The following TAFA2 variants were observed in gnomAD, a reference collection of about 807,000 sequenced individuals.
TAFA2 encodes chemokine-like protein TAFA-2.
TAFA2 carries 7 observed loss-of-function variants against 18.8 expected under a neutral mutation model. The observed-to-expected ratio is 0.37, with a 90% CI of 0.21 to 0.70. The LOEUF (loss-of-function observed/expected upper bound fraction) is 0.70. TAFA2 is among the 30% of genes least tolerant of loss of function. TAFA2 has a pLI of 0.53. For synonymous variants in TAFA2, 60 were observed against 54.2 expected, an observed-to-expected ratio of 1.11 and a Z score of -0.47; for missense variants, 122 against 158.1, an observed-to-expected ratio of 0.77 and a Z score of 1.23.
At chr12:61,791,280 T>C (rs556236916) in intron 2 of TAFA2, among the ~76,000 whole-genome samples, 1 of 151,910 alleles carries the variant, frequency 6.6e-6, no homozygotes, top group Non-Finnish European at 1.5e-5. Flanking sequence ...AAAATACTTC[T>C]TGACATTGGA....
chr12:61,746,589 C>T (rs181009331), intron 4 of TAFA2, among the ~76,000 whole-genome samples: 84 of 152,162 alleles, frequency 5.5e-4, no homozygotes, highest in Non-Finnish European at 5.9e-5. Flanking sequence ...AGAGCAGAGA[C>T]CCACCTGAGC....
intron 1 of TAFA2, among the ~76,000 whole-genome samples, chr12:62,005,856 G>A (rs1006010365): frequency 3.9e-5 from 6 of 152,128 alleles, no homozygotes; most frequent in East Asian, 1.9e-4. Context: ...CTTCTGATTC[G>A]TATATCTGCC....
chr12:62,213,929 A>G (rs2062723767), intron 1 of TAFA2, among the ~76,000 whole-genome samples: 1 of 152,198 alleles, frequency 6.6e-6, no homozygotes, highest in African/African-American at 2.4e-5. Context: ...AGACCTGTGT[A>G]CAAACAAACA....
chr12:62,066,681 G>A (rs553539171), intron 1 of TAFA2, among the ~76,000 whole-genome samples: 1 of 152,106 alleles, frequency 6.6e-6, no homozygotes, highest in East Asian at 1.9e-4. Context: ...ACTTCATTGT[G>A]TATGTGTACC....
chr12:61,968,770 G>T (rs965171780), intron 1 of TAFA2, among the ~76,000 whole-genome samples: 4 of 151,628 alleles, frequency 2.6e-5, no homozygotes, highest in Non-Finnish European at 4.4e-5. Context: ...TTAGGAAACT[G>T]ATAGAGAAGA....
chr12:62,223,463 G>A (rs1047044383), intron 1 of TAFA2, among the ~76,000 whole-genome samples: 14 of 152,050 alleles, frequency 9.2e-5, no homozygotes, highest in African/African-American at 3.4e-4. Context: ...TGACAACAGT[G>A]CCAAGACCAT....
At chr12:62,097,937 G>T (rs1357780458) in intron 1 of TAFA2, among the ~76,000 whole-genome samples, 1 of 152,126 alleles carries the variant, frequency 6.6e-6, no homozygotes, top group Non-Finnish European at 1.5e-5. Context: ...AGCTTGTGAA[G>T]CTGAACCCCG....
chr12:61,823,100 C>G (rs1488886290), intron 2 of TAFA2, among the ~76,000 whole-genome samples: 1 of 151,958 alleles, frequency 6.6e-6, no homozygotes, highest in East Asian at 1.9e-4. Flanking sequence ...CATTTAGAAA[C>G]TTTTTAAAAG....
Position 62,017,040 on chromosome 12 carries a change from C to G in TAFA2, c.-1-149614G>C, listed in dbSNP as rs180947192. ...ACATAGCTAAATTACTGAGGGCTTA[C>G]CATGCACCAGGAAGTTTGGTCCATA... is the stretch of plus-strand genomic sequence containing the variant. On this transcript the variant is annotated intron_variant, in intron 1 of 4. Coordinates refer to ENST00000416284, the MANE Select transcript of TAFA2 (RefSeq NM_178539.5). Among the ~76,000 whole-genome samples, 19 of 152,278 alleles carry G rather than the reference C, an allele frequency of 1.2e-4. No homozygotes were observed. The East Asian group carries it at 3.5e-3, about 28-fold the overall frequency.
At chr12:62,169,850 CAAAA>C (rs11373929) in intron 1 of TAFA2, among the ~76,000 whole-genome samples, 1 of 90,124 alleles carries the variant, frequency 1.1e-5, no homozygotes. Context: ...GACTCCGTCT[CAAAA>C]AAAAAAAAAA....
intron 1 of TAFA2, among the ~76,000 whole-genome samples, chr12:61,965,037 G>A (rs960764088): frequency 1.3e-5 from 2 of 151,796 alleles, no homozygotes; most frequent in African/African-American, 4.8e-5. Context: ...TAGAATAGAC[G>A]TTCAAAGGTC....
intron 1 of TAFA2, among the ~76,000 whole-genome samples, chr12:62,160,289 C>G (rs924465171): frequency 2.0e-5 from 3 of 152,196 alleles, no homozygotes; most frequent in Non-Finnish European, 2.9e-5. Context: ...TATGAGTATG[C>G]ATTGAGGCAG....
chr12:62,115,327 G>A (rs2136871083), intron 1 of TAFA2, among the ~76,000 whole-genome samples: 1 of 152,226 alleles, frequency 6.6e-6, no homozygotes, highest in East Asian at 1.9e-4. Context: ...CAGGAGGCCA[G>A]TAATTCACAC....
At chr12:61,964,172 C>G (rs1303291762) in intron 1 of TAFA2, among the ~76,000 whole-genome samples, 2 of 151,988 alleles carry the variant, frequency 1.3e-5, no homozygotes, top group Non-Finnish European at 2.9e-5. Context: ...TGGGCAAAGA[C>G]TTCATGACTA....
At chr12:61,711,684 G>A (rs567715032) in intron 4 of TAFA2, among the ~76,000 whole-genome samples, 7 of 152,018 alleles carry the variant, frequency 4.6e-5, no homozygotes, top group Admixed American at 1.3e-4. Flanking sequence ...AGGCAAAAAA[G>A]TGTTTTCATG....
intron 1 of TAFA2, among the ~76,000 whole-genome samples, chr12:62,179,446 A>G (rs904221254): frequency 2.0e-5 from 3 of 152,218 alleles, no homozygotes; most frequent in African/African-American, 7.2e-5. Context: ...ACTGGTGATG[A>G]AAATGATCAG....
At chr12:62,037,707 A>C (rs1187099420) in intron 1 of TAFA2, among the ~76,000 whole-genome samples, 1 of 152,252 alleles carries the variant, frequency 6.6e-6, no homozygotes, top group Admixed American at 6.5e-5. Context: ...AATGCACACC[A>C]AAACTTAAGA....
chr12:61,710,581 TA>T (rs1869352430), intron 4 of TAFA2, among the ~76,000 whole-genome samples, 164 bp from the exon 5 acceptor site: 1 of 152,182 alleles, frequency 6.6e-6, no homozygotes. Flanking sequence ...TTCCATCATA[TA>T]AAAATATACT....
At chr12:62,047,053 A>G (rs1488568197) in intron 1 of TAFA2, among the ~76,000 whole-genome samples, 1 of 152,094 alleles carries the variant, frequency 6.6e-6, no homozygotes, top group African/African-American at 2.4e-5. Flanking sequence ...GAAAATGAAT[A>G]TCATCTTAAA....
Sources: allele counts gnomAD v4.1 joint callset (sites outside exome capture counted in the v4.1 genomes callset), GRCh38; gene constraint gnomAD v4.1.1; transcripts MANE v1.5; gene names NCBI Gene and HGNC (gene_info 2026-07-23, HGNC 2026-07-21).